Variants in GCNT1 observed in about 807,000 individuals in gnomAD.
GCNT1 encodes the protein beta-1,3-galactosyl-O-glycosyl-glycoprotein beta-1,6-N-acetylglucosaminyltransferase.
A neutral mutation model predicts 26.2 loss-of-function variants in GCNT1; 16 were observed. That is an observed-to-expected ratio of 0.61 (90% CI 0.41 to 0.93). The LOEUF (loss-of-function observed/expected upper bound fraction) is 0.93. Ranked by LOEUF, GCNT1 falls within the 40% of genes least tolerant of loss-of-function variation. The probability of loss-of-function intolerance (pLI) is 0.00; values close to 1 mark genes in which losing one functional copy is unlikely to be tolerated. For missense variants in GCNT1, 477 were observed against 526.7 expected (o/e 0.91, Z 0.92); for synonymous variants, 183 against 190.8 (o/e 0.96, Z 0.34).
the GCNT1 span, among the ~76,000 whole-genome samples, chr9:76,403,629 C>T: frequency 3.9e-4 from 59 of 152,336 alleles, no homozygotes; most frequent in Non-Finnish European, 6.6e-4. Flanking sequence ...AATGTTTGGC[C>T]TGCTCATTGC....
At chr9:76,490,934 T>C (rs2476940) in intron 2 of GCNT1, among the ~76,000 whole-genome samples, 91,706 of 152,184 alleles carry the variant, frequency 0.6, 28,243 homozygotes, top group African/African-American at 0.72. Flanking sequence ...TTGTCAGTGG[T>C]CTCAGTGCTT....
chr9:76,413,743 A>G, the GCNT1 span, among the ~76,000 whole-genome samples: 1 of 146,008 alleles, frequency 6.8e-6, no homozygotes, highest in African/African-American at 2.5e-5. Context: ...GATGTCTGAC[A>G]TTAATTTGTG....
chr9:76,480,813 C>T (rs1006166703), intron 2 of GCNT1, among the ~76,000 whole-genome samples: 5 of 152,020 alleles, frequency 3.3e-5, no homozygotes, highest in Non-Finnish European at 5.9e-5. Flanking sequence ...GATATTTTTT[C>T]TTCTGTATGT....
the GCNT1 span, among the ~76,000 whole-genome samples, chr9:76,410,507 T>G: frequency 6.6e-6 from 1 of 152,112 alleles, no homozygotes; most frequent in Admixed American, 6.6e-5. Context: ...ATCCCAGCAC[T>G]ATGGGAGGCC....
intron 1 of GCNT1, chr9:76,442,361 A>T (rs374400409): frequency 6.6e-6 from 1 of 152,226 alleles, no homozygotes; most frequent in Non-Finnish European, 1.5e-5. Flanking sequence ...TGTGTGTGGT[A>T]GTTTGTTACA....
chr9:76,479,790 C>A (rs1824370053), intron 2 of GCNT1, among the ~76,000 whole-genome samples: 1 of 152,138 alleles, frequency 6.6e-6, no homozygotes, highest in Non-Finnish European at 1.5e-5. Flanking sequence ...AAAATTTTCT[C>A]CCATTCTGTA....
At chr9:76,401,852 G>GC in the GCNT1 span, among the ~76,000 whole-genome samples, 1 of 152,150 alleles carries the variant, frequency 6.6e-6, no homozygotes, top group Admixed American at 6.5e-5. Flanking sequence ...CCATGATCAT[G>GC]CCACTGCACT....
At chr9:76,483,661 G>T (rs761524707) in intron 2 of GCNT1, among the ~76,000 whole-genome samples, 4 of 152,108 alleles carry the variant, frequency 2.6e-5, no homozygotes, top group Non-Finnish European at 4.4e-5. Flanking sequence ...GGGCTCAAGT[G>T]ATCTTCCAAC....
intron 2 of GCNT1, among the ~76,000 whole-genome samples, chr9:76,479,927 C>A (rs919832978): frequency 1.3e-5 from 2 of 152,094 alleles, no homozygotes; most frequent in African/African-American, 4.8e-5. Flanking sequence ...GAAGTCCTTG[C>A]CCATGCCTGT....
At chr9:76,419,291 A>C (rs552670244), upstream of GCNT1, among the ~76,000 whole-genome samples, 2 of 152,192 alleles carry the variant, frequency 1.3e-5, no homozygotes, top group Non-Finnish European at 2.9e-5. Context: ...CATCTTCATT[A>C]CTGTGTCACC....
rs1325995088 is a variant in GCNT1, at chr9:76,459,183, C to A, written c.-530C>A. On this transcript the variant is annotated 5_prime_UTR_variant, in exon 1 of 4. Transcript: ENST00000376730. Reference sequence around the variant, plus strand: ...CTGGGGGCGGCCCCGGGGCGGGCCACGCTGGTGTGAGGGCTGCAGGCGCAG... The same window carrying A: ...CTGGGGGCGGCCCCGGGGCGGGCCAAGCTGGTGTGAGGGCTGCAGGCGCAG... The A allele has an allele frequency of 1.8e-4, 28 of 152,332 alleles. No homozygotes were observed. Among genetic ancestry groups the A allele is most frequent in the Admixed American group, 1.3e-4 (2 of 15,290 alleles). 9.4% of individuals were successfully genotyped at this position (152,332 alleles called of 1,614,324 possible).
At chr9:76,492,279 C>A (rs56014627) in intron 2 of GCNT1, among the ~76,000 whole-genome samples, 12,540 of 152,186 alleles carry the variant, frequency 0.082, 573 homozygotes, top group Middle Eastern at 0.17. Context: ...TAGATAATAG[C>A]TCCAGCTATG....
At chr9:76,394,515 A>C in the GCNT1 span, 2 of 206,508 alleles carry the variant, frequency 9.7e-6, no homozygotes, top group East Asian at 2.6e-4. Flanking sequence ...TCCTCAGCCG[A>C]ACGCCTCGAG....
upstream of GCNT1, among the ~76,000 whole-genome samples, chr9:76,437,351 G>A (rs542823435): frequency 1.3e-5 from 2 of 152,172 alleles, no homozygotes; most frequent in South Asian, 2.1e-4. Flanking sequence ...TAAAGAAGCC[G>A]GCCAAACCCC....
At chr9:76,443,978 G>GA (rs1254690489) in intron 1 of GCNT1, among the ~76,000 whole-genome samples, 2 of 73,966 alleles carry the variant, frequency 2.7e-5, no homozygotes, top group African/African-American at 9.8e-5. Flanking sequence ...AGGAAGGAAG[G>GA]AAGGAAGGAA....
rs761951470 is a variant in GCNT1, at chr9:76,503,614, C to T, written c.1233C>T (p.Ile411=). 2.5e-6 allele frequency: 4 copies of T among 1,614,092 alleles called. No individual in the cohort carries two copies. Among genetic ancestry groups the T allele is most frequent in the Non-Finnish European group, 3.4e-6 (4 of 1,179,998 alleles). Residue 411 remains isoleucine (I), a synonymous_variant, in exon 4 of 4, where the codon ATC becomes ATT. Transcript: ENST00000376730. ...KFDVDVDLFA[I]QCLDEHLRHK... ...ACGTGGATGTTGACCTCTTTGCCAT[C>T]CAGTGTTTGGATGAGCATTTGAGAC... is the stretch of plus-strand genomic sequence containing the variant.
the GCNT1 span, among the ~76,000 whole-genome samples, chr9:76,400,810 G>A: frequency 8.5e-5 from 13 of 152,186 alleles, no homozygotes; most frequent in Non-Finnish European, 1.8e-4. Flanking sequence ...AAACAGAGAA[G>A]AGGAAAGAAA....
chr9:76,483,408 T>G (rs925463992), intron 2 of GCNT1, among the ~76,000 whole-genome samples: 1 of 151,968 alleles, frequency 6.6e-6, no homozygotes, highest in East Asian at 1.9e-4. Flanking sequence ...GAGGGGTTTT[T>G]TTTTTATTGT....
At chr9:76,457,564 A>G (rs1485488872), upstream of GCNT1, among the ~76,000 whole-genome samples, 41 of 152,194 alleles carry the variant, frequency 2.7e-4, no homozygotes, top group Non-Finnish European at 5.9e-5. Flanking sequence ...TATACTTTAA[A>G]CTTATGTTTA....
Sources: allele counts gnomAD v4.1 joint callset (sites outside exome capture counted in the v4.1 genomes callset), GRCh38; gene constraint gnomAD v4.1.1; transcripts MANE v1.5; gene names NCBI Gene and HGNC (gene_info 2026-07-23, HGNC 2026-07-21).